The following CLEC4C variants were observed in gnomAD, a reference collection of about 807,000 sequenced individuals.
CLEC4C encodes C-type (calcium dependent, carbohydrate-recognition domain) lectin, superfamily member 11.
CLEC4C carries 17 observed loss-of-function variants against 27.7 expected under a neutral mutation model. The observed-to-expected ratio is 0.61, with a 90% confidence interval of 0.42 to 0.92. The LOEUF (loss-of-function observed/expected upper bound fraction) is 0.92, where lower values mean the gene tolerates loss of function less well. Ranked by LOEUF, CLEC4C falls within the 40% of genes least tolerant of loss-of-function variation. The pLI, the probability that CLEC4C is intolerant of heterozygous loss-of-function variation, is 0.00. For missense variants in CLEC4C, 244 were observed against 257.3 expected, an observed-to-expected ratio of 0.95 and a Z score of 0.35; for synonymous variants, 80 against 80.8, an observed-to-expected ratio of 0.99 and a Z score of 0.06.
intron 2 of CLEC4C, among the ~76,000 whole-genome samples, chr12:7,743,172 A>G (rs192024657): frequency 6.6e-6 from 1 of 152,264 alleles, no homozygotes; most frequent in Admixed American, 6.6e-5. Flanking sequence ...ATCTAATTCT[A>G]TTAATCCTGA....
At chr12:7,742,490 A>C (rs922553551) in intron 2 of CLEC4C, among the ~76,000 whole-genome samples, 1 of 148,390 alleles carries the variant, frequency 6.7e-6, no homozygotes, top group Non-Finnish European at 1.5e-5. Context: ...TAGCCTGGGC[A>C]ATAGAGCCAG....
chr12:7,729,386 T>C lies in CLEC4C; in HGVS notation c.*210A>G. 1.8e-6 allele frequency: 1 copy of C among 543,302 alleles called. No individual in the cohort carries two copies. The highest frequency in any genetic ancestry group is 3.2e-6 in the Non-Finnish European group (1 of 311,064). 33.7% of individuals were successfully genotyped at this position (543,302 alleles called of 1,614,324 possible). On this transcript the variant is annotated 3_prime_UTR_variant, in exon 6 of 6. Transcript: ENST00000360345. ...CAGTCTCTGGCACATAGAAAAATGTTCACTAAACACTCATTTTATGAATGA... is the reference window on the plus strand; with the variant it reads ...CAGTCTCTGGCACATAGAAAAATGTCCACTAAACACTCATTTTATGAATGA...
chr12:7,737,640 G>C, intron 3 of CLEC4C, 66 bp from the exon 4 acceptor site: 1 of 1,456,106 alleles, frequency 6.9e-7, no homozygotes. Flanking sequence ...AAAGTTATAA[G>C]CTTAGCTTGC....
intron 5 of CLEC4C, among the ~76,000 whole-genome samples, chr12:7,730,453 C>T (rs1329043717): frequency 6.6e-6 from 1 of 152,022 alleles, no homozygotes; most frequent in Non-Finnish European, 1.5e-5. Flanking sequence ...CCAGCCTGGC[C>T]AACATGGTGA....
chr12:7,729,964 A>G (rs926250838), intron 5 of CLEC4C, among the ~76,000 whole-genome samples: 1 of 152,140 alleles, frequency 6.6e-6, no homozygotes, highest in African/African-American at 2.4e-5. Flanking sequence ...ATGACCTAGT[A>G]CTCTGTCATC....
At position 7,729,541 on chromosome 12, in the gene CLEC4C, G is replaced by T; in HGVS notation, c.*55C>A. 1 of 1,537,862 alleles carries T rather than the reference G, an allele frequency of 6.5e-7. No individual in the cohort carries two copies. Among genetic ancestry groups the T allele is most frequent in the Non-Finnish European group, 8.9e-7 (1 of 1,128,490 alleles). On this transcript the variant is annotated 3_prime_UTR_variant, in exon 6 of 6. Transcript: ENST00000360345. ...ACACATAAATTAAAAAATCAATTTA[G>T]CTTTCTACAACGGTGGATGCCAACC...
intron 3 of CLEC4C, among the ~76,000 whole-genome samples, chr12:7,739,846 ATT>A (rs56683824): frequency 5.0e-5 from 7 of 140,996 alleles, no homozygotes; most frequent in Admixed American, 7.1e-5. Context: ...TAGCTCGGTA[ATT>A]TTTTTTTTTT....
intron 4 of CLEC4C, among the ~76,000 whole-genome samples, chr12:7,731,802 C>T (rs1864601548): frequency 6.6e-6 from 1 of 152,134 alleles, no homozygotes; most frequent in Non-Finnish European, 1.5e-5. Context: ...TCCCTCACTC[C>T]TAATATATTC....
At chr12:7,746,228 A>AAAAAAG (rs1555106387) in intron 2 of CLEC4C, 103 bp downstream of exon 2, 57 of 573,916 alleles carry the variant, frequency 9.9e-5, no homozygotes, top group African/African-American at 3.4e-4. Context: ...AAAAAAAAAA[A>AAAAAAG]AAAAAGAAAA....
upstream of CLEC4C, among the ~76,000 whole-genome samples, chr12:7,747,771 A>T (rs1433299904): frequency 6.6e-6 from 1 of 150,398 alleles, no homozygotes; most frequent in East Asian, 2.0e-4. Context: ...CCTCCCGAGC[A>T]GCTGGGACTA....
intron 2 of CLEC4C, among the ~76,000 whole-genome samples, chr12:7,745,424 CTTTT>C (rs140956970): frequency 3.2e-3 from 153 of 48,166 alleles, no homozygotes; most frequent in African/African-American, 0.013. Context: ...TCAGTCTATG[CTTTT>C]TTTTTTTTTT....
intron 1 of CLEC4C, 133 bp downstream of exon 1, chr12:7,747,185 A>G: frequency 1.2e-6 from 1 of 829,700 alleles, no homozygotes; most frequent in South Asian, 1.4e-5. Context: ...ACCTGTTTCC[A>G]TACTGAAATT....
At chr12:7,742,232 G>T (rs1335846326) in intron 2 of CLEC4C, among the ~76,000 whole-genome samples, 2 of 152,004 alleles carry the variant, frequency 1.3e-5, no homozygotes, top group Non-Finnish European at 2.9e-5. Flanking sequence ...TGACTTTACG[G>T]CTGGGCATGG....
chr12:7,746,073 G>A (rs183828112), intron 2 of CLEC4C, among the ~76,000 whole-genome samples: 2 of 151,780 alleles, frequency 1.3e-5, no homozygotes, highest in South Asian at 2.1e-4. Context: ...AAATTAGCCA[G>A]GCATGGTGGC....
rs1592096605 is a variant in CLEC4C, at chr12:7,741,601, G to A, written c.125-70C>T. The A allele has an allele frequency of 3.4e-6, 3 of 870,416 alleles. No individual in the cohort carries two copies. In the African/African-American group the frequency reaches 4.9e-5, roughly 14 times the overall value. The allele number at this position is 870,416 out of a possible 1,614,324, so 53.9% of individuals were successfully genotyped here. A position where few individuals can be genotyped will look rare whatever the true frequency, so the allele number is the denominator to read the frequency against. ...TCTATGTTGTACTATACAATCTTAT[G>A]CTGTGGACAGGCACAGTGACTCACG... On this transcript the variant is annotated intron_variant, in intron 2 of 5. Coordinates refer to ENST00000360345, the MANE Select transcript of CLEC4C (RefSeq NM_001371390.1).
At chr12:7,741,822 A>G (rs949941983) in intron 2 of CLEC4C, among the ~76,000 whole-genome samples, 2 of 152,106 alleles carry the variant, frequency 1.3e-5, no homozygotes, top group Non-Finnish European at 2.9e-5. Context: ...ACTTGAGGTC[A>G]GGAGTTTGAC....
intron 5 of CLEC4C, 54 bp from the exon 6 acceptor site, chr12:7,729,794 T>C (rs1482554583): frequency 1.7e-5 from 26 of 1,559,288 alleles, no homozygotes; most frequent in Non-Finnish European, 1.9e-5. Flanking sequence ...TGGAAAAGGT[T>C]AGAGACTGGG....
intron 2 of CLEC4C, 43 bp downstream of exon 2, chr12:7,746,288 G>T (rs771715836): frequency 5.5e-6 from 6 of 1,100,838 alleles, no homozygotes; most frequent in Admixed American, 2.1e-5. Flanking sequence ...AATGTGATTG[G>T]GAAAAGGACC....
At chr12:7,743,472 C>T (rs1422064373) in intron 2 of CLEC4C, among the ~76,000 whole-genome samples, 2 of 151,846 alleles carry the variant, frequency 1.3e-5, no homozygotes, top group Non-Finnish European at 2.9e-5. Flanking sequence ...GCAAGCTCCG[C>T]CTCCTGGGTT....
Sources: gnomAD v4.1 joint callset for allele counts (sites outside exome capture counted in the v4.1 genomes callset) on GRCh38, gnomAD v4.1.1 for gene constraint, MANE v1.5 for transcripts, NCBI Gene and HGNC (gene_info 2026-07-23, HGNC 2026-07-21) for gene names.